The following PLXNB2 variants were observed in gnomAD, a reference collection of about 807,000 sequenced individuals.
PLXNB2 encodes the protein plexin B2.
PLXNB2 carries 85 observed loss-of-function variants against 202.6 expected under a neutral mutation model. The ratio of observed to expected loss-of-function variants is 0.42; its 90% CI spans 0.35 to 0.50. The LOEUF (loss-of-function observed/expected upper bound fraction) is 0.50. Among genes scored for constraint, PLXNB2 ranks in the 20% least tolerant of loss-of-function variants. PLXNB2 has a pLI of 0.02. For synonymous variants in PLXNB2, 1,239 were observed against 1,137.6 expected, an observed-to-expected ratio of 1.09 and a Z score of -1.79; for missense variants, 2,063 against 2,586.2, an observed-to-expected ratio of 0.80 and a Z score of 4.39.
Position 50,277,408 on chromosome 22 carries a change from C to T in PLXNB2, c.5196+183G>A, listed in dbSNP as rs976117283. ...CAGGAGGAGAGAGGGCAAGGGCTCT[C>T]GGGATCTCCCAGGCTCTGCCGGGCC... On this transcript the variant is annotated intron_variant, in intron 33 of 36. Coordinates refer to ENST00000359337, the MANE Select transcript of PLXNB2 (RefSeq NM_012401.4). Among the ~76,000 whole-genome samples the T allele has an allele frequency of 3.7e-4, 57 of 152,166 alleles. 1 individual carries two copies. The highest frequency in any genetic ancestry group is 3.2e-3 in the Admixed American group (49 of 15,280).
At chr22:50,279,404 C>T (rs28418659) in intron 27 of PLXNB2, among the ~76,000 whole-genome samples, 69,006 of 152,068 alleles carry the variant, frequency 0.45, 16,166 homozygotes, top group South Asian at 0.61. Context: ...GAGGTGGGGG[C>T]GCCCGGGAAG....
intron 35 of PLXNB2, among the ~76,000 whole-genome samples, chr22:50,276,248 A>AC: frequency 1.5e-5 from 1 of 66,242 alleles, no homozygotes; most frequent in Middle Eastern, 8.5e-3. Flanking sequence ...AGCCGCAGGG[A>AC]GGGGGCGCTG....
intron 1 of PLXNB2, among the ~76,000 whole-genome samples, chr22:50,298,469 G>C (rs941013320): frequency 3.9e-5 from 6 of 152,202 alleles, no homozygotes; most frequent in African/African-American, 1.4e-4. Context: ...CATGTAAGGG[G>C]GAAGGACAGA....
chr22:50,283,705 T>C lies in PLXNB2; in HGVS notation c.2467A>G (p.Ile823Val), dbSNP rs11547731. Residue 823 changes from isoleucine (I) to valine (V), a missense_variant, in exon 15 of 37, where the codon ATC becomes GTC. Coordinates refer to ENST00000359337, the MANE Select transcript of PLXNB2 (RefSeq NM_012401.4). The part of the protein sequence containing the change: ...GPLGGGIRIT[I>V]LGSNLGVQAG... ...TGGACGCCCAAATTGGACCCCAGGA[T>C]GGTGATGCGGATGCCCCCACCCAGG... is the stretch of plus-strand genomic sequence containing the variant. The C allele has an allele frequency of 0.64, 1,036,066 of 1,612,464 alleles. 334,897 individuals are homozygous for C. Among genetic ancestry groups the C allele is most frequent in the African/African-American group, 0.75 (56,049 of 74,842 alleles).
At chr22:50,300,950 CCT>C (rs1018909333) in intron 1 of PLXNB2, among the ~76,000 whole-genome samples, 5 of 152,204 alleles carry the variant, frequency 3.3e-5, no homozygotes, top group African/African-American at 7.2e-5. Flanking sequence ...TCAGGCACCC[CCT>C]GAGCTCACCT....
intron 1 of PLXNB2, among the ~76,000 whole-genome samples, chr22:50,298,271 G>A (rs867204868): frequency 1.3e-5 from 2 of 152,346 alleles, no homozygotes; most frequent in South Asian, 2.1e-4. Flanking sequence ...GGGCAGCACA[G>A]GGATGCTGGG....
intron 1 of PLXNB2, among the ~76,000 whole-genome samples, chr22:50,296,230 A>ACACACACAC (rs1555926917): frequency 2.7e-5 from 4 of 146,150 alleles, no homozygotes; most frequent in African/African-American, 1.1e-4. Context: ...ACACACACAC[A>ACACACACAC]ATAAAAAAGT....
At position 50,283,170 on chromosome 22, in the gene PLXNB2, C is replaced by A; in HGVS notation, c.2696G>T (p.Ser899Ile). 2 of 1,600,062 alleles carry A rather than the reference C, an allele frequency of 1.2e-6. No individual in the cohort carries two copies. Among genetic ancestry groups the A allele is most frequent in the Non-Finnish European group, 1.7e-6 (2 of 1,174,838 alleles). Reference sequence around the variant, plus strand: ...CTGCGGTCCCTGCTGCGGCTCCACACTGAGAGGCTTGGGCTGCTGAAAGAG... The same window carrying A: ...CTGCGGTCCCTGCTGCGGCTCCACAATGAGAGGCTTGGGCTGCTGAAAGAG... ...QFTFQQPKPL[S>I]VEPQQGPQAG... is the part of the protein sequence containing the mutation. The change falls in exon 17 of 37, where the codon AGT becomes ATT. Residue 899 changes from serine (S) to isoleucine (I), a missense_variant. By Grantham distance (142) the Ser-to-Ile change is moderately radical (BLOSUM62 -2). Transcript: ENST00000359337.
In PLXNB2 at chr22:50,283,741, C is replaced by T; in HGVS notation, c.2431G>A (p.Glu811Lys). 1 of 1,613,164 alleles carries T rather than the reference C, an allele frequency of 6.2e-7. No homozygotes were observed. The highest frequency in any genetic ancestry group is 2.2e-5 in the East Asian group (1 of 44,876). The change falls in exon 15 of 37, where the codon GAG becomes AAG. Residue 811 changes from glutamate (E) to lysine (K), a missense_variant. Coordinates refer to ENST00000359337, the MANE Select transcript of PLXNB2 (RefSeq NM_012401.4). ...PPPVITRIQPETGPLGGGIRI... is the reference protein window; with the variant it reads ...PPPVITRIQPKTGPLGGGIRI... ...ATGCCCCCACCCAGGGGGCCCGTCT[C>T]AGGCTGGATCTGAAACCACAGAGCC...
rs373203381 is a variant in PLXNB2, at chr22:50,280,852, G to A, written c.3885C>T (p.Asp1295=). 2.2e-5 allele frequency: 35 copies of A among 1,613,464 alleles called. No individual in the cohort carries two copies. The highest frequency in any genetic ancestry group is 1.6e-4 in the Middle Eastern group (1 of 6,062). Residue 1295 remains aspartate, a synonymous_variant, in exon 24 of 37, where the codon GAC becomes GAT. Transcript: ENST00000359337. The part of the protein sequence containing the change: ...FFLPSKDGDK[D]VMITGKLDIP... Reference sequence around the variant, plus strand: ...TGTCCAGCTTGCCGGTGATCATCACGTCCTTGTCGCCGTCCTTGGAGGGCA... The same window carrying A: ...TGTCCAGCTTGCCGGTGATCATCACATCCTTGTCGCCGTCCTTGGAGGGCA...
intron 24 of PLXNB2, 30 bp downstream of exon 24, chr22:50,280,714 G>GGGCCGCC: frequency 6.5e-7 from 1 of 1,528,942 alleles, no homozygotes; most frequent in Non-Finnish European, 8.9e-7. Flanking sequence ...CCACCTGTGT[G>GGGCCGCC]CCCTCCCGCC....
rs564457380 is a variant in PLXNB2, at chr22:50,291,302, C to T, written c.-13-705G>A. 2.6e-5 allele frequency among the ~76,000 whole-genome samples: 4 copies of T among 152,310 alleles called. No homozygotes were observed. Among genetic ancestry groups the T allele is most frequent in the South Asian group, 4.1e-4 (2 of 4,824 alleles). ...GGCACAGCCTCTGATGTGCGCACAG[C>T]GGAGGCAACAAGGGGACCTGGGGAG... is the stretch of plus-strand genomic sequence containing the variant. On this transcript the variant is annotated intron_variant, in intron 2 of 36. Coordinates refer to ENST00000359337, the MANE Select transcript of PLXNB2 (RefSeq NM_012401.4). The surrounding 1 kb of genome is among the most constrained non-coding windows in gnomAD (Gnocchi z 4.3).
chr22:50,286,816 G>C (rs919176003), intron 8 of PLXNB2, among the ~76,000 whole-genome samples: 2 of 152,200 alleles, frequency 1.3e-5, no homozygotes, highest in Admixed American at 6.5e-5. Flanking sequence ...GAGACGACGG[G>C]GCCTGGCGCC....
chr22:50,300,960 C>A (rs2067648254), intron 1 of PLXNB2, among the ~76,000 whole-genome samples: 1 of 152,226 alleles, frequency 6.6e-6, no homozygotes, highest in South Asian at 2.1e-4. Flanking sequence ...CCTGAGCTCA[C>A]CTGGCCATGC....
Position 50,283,454 on chromosome 22 carries a change from C to T in PLXNB2, c.2571-9G>A, listed in dbSNP as rs374634512. Reference sequence around the variant, plus strand: ...CGATCACACACACGATCCTGGCGGGCGACAGGCAGTGTGGCCCAGGCACTC... The same window carrying T: ...CGATCACACACACGATCCTGGCGGGTGACAGGCAGTGTGGCCCAGGCACTC... On this transcript the variant is annotated splice_polypyrimidine_tract_variant and intron_variant, in intron 15 of 36. Coordinates refer to ENST00000359337, the MANE Select transcript of PLXNB2 (RefSeq NM_012401.4). The T allele has an allele frequency of 1.8e-4, 296 of 1,611,788 alleles. No individual in the cohort carries two copies. Among genetic ancestry groups the T allele is most frequent in the Non-Finnish European group, 2.2e-4 (265 of 1,179,268 alleles).
intron 25 of PLXNB2, 34 bp from the exon 26 acceptor site, chr22:50,280,105 C>T: frequency 6.5e-7 from 1 of 1,533,650 alleles, no homozygotes; most frequent in East Asian, 2.3e-5. Context: ...ACCGAGTGAC[C>T]CCGTAGTATT....
In PLXNB2 at chr22:50,283,619, A is replaced by G. The variant is rs2066189040; in HGVS notation, c.2553T>C (p.Arg851=). The change falls in exon 15 of 37, where the codon CGT becomes CGC. Residue 851 remains arginine, a synonymous_variant. Coordinates refer to ENST00000359337, the MANE Select transcript of PLXNB2 (RefSeq NM_012401.4). Reference sequence around the variant, plus strand: ...CCACTCACCGGGTGGACACGGAGTAACGTTCCGGCTGAAAGGAGCAGTTCC... The same window carrying G: ...CCACTCACCGGGTGGACACGGAGTAGCGTTCCGGCTGAAAGGAGCAGTTCC... ...AGRNCSFQPE[R]YSVSTRIVCV... 16 of 1,612,824 alleles carry G rather than the reference A, an allele frequency of 9.9e-6. No individual in the cohort carries two copies. The highest frequency in any genetic ancestry group is 1.4e-5 in the Non-Finnish European group (16 of 1,179,906).
Position 50,289,685 on chromosome 22 carries a change from G to C in PLXNB2, c.900C>G (p.Asp300Glu), listed in dbSNP as rs775923722. The C allele has an allele frequency of 1.2e-6, 2 of 1,610,516 alleles. No individual in the cohort carries two copies. The highest frequency in any genetic ancestry group is 1.7e-6 in the Non-Finnish European group (2 of 1,179,862). The change falls in exon 3 of 37, where the codon GAC becomes GAG. Residue 300 changes from aspartate to glutamate, a missense_variant. Physicochemically the swap from Asp to Glu is conservative, Grantham distance 45. Coordinates refer to ENST00000359337, the MANE Select transcript of PLXNB2 (RefSeq NM_012401.4). The surrounding 1 kb of genome is among the most constrained non-coding windows in gnomAD (Gnocchi z 8.0). ...GRVLYAVFSR[D>E]SRSSGGPGAG... The stretch of plus-strand genomic sequence containing the variant: ...CACCGGGCCCCCCACTGCTCCGGCT[G>C]TCTCTGCTGAAGACAGCATATAGCA...
chr22:50,292,746 G>A (rs146673224), intron 2 of PLXNB2, among the ~76,000 whole-genome samples: 2 of 152,268 alleles, frequency 1.3e-5, no homozygotes, highest in Non-Finnish European at 2.9e-5. Flanking sequence ...GCAACCCCCC[G>A]TTCTGATTGC....
Sources: gnomAD v4.1 joint callset for allele counts (sites outside exome capture counted in the v4.1 genomes callset) on GRCh38, gnomAD v4.1.1 for gene constraint, Gnocchi (gnomAD v3.1) non-coding constraint, MANE v1.5 for transcripts, NCBI Gene and HGNC (gene_info 2026-07-23, HGNC 2026-07-21) for gene names.